Variants in FRMD4A observed in about 807,000 individuals in gnomAD.
FRMD4A encodes the protein FERM domain-containing protein 4A.
A neutral mutation model predicts 129.1 loss-of-function variants in FRMD4A; 29 were observed. That is an observed-to-expected ratio of 0.22 (90% CI 0.17 to 0.31). FRMD4A has a LOEUF of 0.31. FRMD4A is among the 10% of genes least tolerant of loss of function. FRMD4A has a pLI of 1.00. For synonymous variants in FRMD4A, 634 were observed against 571.6 expected (o/e 1.11, Z -1.56); for missense variants, 1,272 against 1,375.8 (o/e 0.92, Z 1.19).
At chr10:13,661,667 A>G (rs1293039224) in intron 19 of FRMD4A, among the ~76,000 whole-genome samples, 1 of 152,176 alleles carries the variant, frequency 6.6e-6, no homozygotes. Context: ...CTAGAAAGGA[A>G]GGGAGAGAGA....
intron 2 of FRMD4A, among the ~76,000 whole-genome samples, chr10:14,090,391 C>T (rs959976093): frequency 9.9e-5 from 15 of 152,168 alleles, no homozygotes; most frequent in African/African-American, 3.1e-4. Context: ...TCAAGGCAGA[C>T]GCTGTAAAAG....
chr10:13,870,391 G>A (rs1018647765), intron 2 of FRMD4A, among the ~76,000 whole-genome samples: 2 of 152,200 alleles, frequency 1.3e-5, no homozygotes, highest in African/African-American at 4.8e-5. Flanking sequence ...GGCCACCTGG[G>A]ACTTTTAGAG....
In FRMD4A at chr10:14,039,384, A is replaced by G. The variant is rs570674932; in HGVS notation, c.46-180472T>C. Among the ~76,000 whole-genome samples the G allele has an allele frequency of 1.4e-3, 170 of 123,704 alleles. 1 individual carries two copies. Among genetic ancestry groups the G allele is most frequent in the Admixed American group, 8.1e-3 (100 of 12,274 alleles). The allele number at this position is 123,704 out of a possible 152,430, so 81.2% of individuals were successfully genotyped here. A position where few individuals can be genotyped will look rare whatever the true frequency, so the allele number is the denominator to read the frequency against. ...TGTCCGTCCGTCCATCCATCCATCCATCCATCCATCCATCCATCCATCCAT... is the reference window on the plus strand; with the variant it reads ...TGTCCGTCCGTCCATCCATCCATCCGTCCATCCATCCATCCATCCATCCAT... On this transcript the variant is annotated intron_variant, in intron 2 of 24. Transcript: ENST00000357447.
intron 15 of FRMD4A, among the ~76,000 whole-genome samples, chr10:13,691,627 T>A (rs1933722485): frequency 6.6e-6 from 1 of 152,130 alleles, no homozygotes; most frequent in Non-Finnish European, 1.5e-5. Context: ...ACCTACAGAA[T>A]CAGGAGCTCT....
chr10:14,227,744 T>G lies in FRMD4A; in HGVS notation c.45+102314A>C, dbSNP rs375724718. ...AGCTCTAGGATGCATGAGATGCTAT[T>G]GGTCACACAGTCGCATCTCTAGACC... On this transcript the variant is annotated intron_variant, in intron 2 of 24. Coordinates refer to ENST00000357447, the MANE Select transcript of FRMD4A (RefSeq NM_018027.5). Among the ~76,000 whole-genome samples, 4 of 152,222 alleles carry G rather than the reference T, an allele frequency of 2.6e-5. No homozygotes were observed. In the East Asian group the frequency reaches 5.8e-4, roughly 22 times the overall value.
At chr10:13,850,284 CA>C (rs1375483449) in intron 3 of FRMD4A, among the ~76,000 whole-genome samples, 3 of 152,068 alleles carry the variant, frequency 2.0e-5, no homozygotes, top group South Asian at 2.1e-4. Context: ...AAAAGTCATA[CA>C]TTTTTTTTTC....
chr10:14,264,778 A>G (rs1844920210), intron 2 of FRMD4A, among the ~76,000 whole-genome samples: 1 of 152,134 alleles, frequency 6.6e-6, no homozygotes, highest in African/African-American at 2.4e-5. Flanking sequence ...CAAGTCTTGG[A>G]AAAGAAACAC....
In FRMD4A at chr10:14,045,949, A is replaced by T. The variant is rs540164437; in HGVS notation, c.46-187037T>A. 7.3e-4 allele frequency among the ~76,000 whole-genome samples: 108 copies of T among 148,514 alleles called. 1 individual carries two copies. Among genetic ancestry groups the T allele is most frequent in the African/African-American group, 2.4e-3 (98 of 40,808 alleles). ...TGTATTAATACATATTCAATTTTAT[A>T]CATATGTATTCATATTATTCAATAC... On this transcript the variant is annotated intron_variant, in intron 2 of 24. Coordinates refer to ENST00000357447, the MANE Select transcript of FRMD4A (RefSeq NM_018027.5).
chr10:14,046,928 C>T (rs1834014653), intron 2 of FRMD4A, among the ~76,000 whole-genome samples: 1 of 152,090 alleles, frequency 6.6e-6, no homozygotes, highest in Non-Finnish European at 1.5e-5. Context: ...GGTCGCTGGA[C>T]ATCATCTGGA....
At chr10:14,278,813 G>C (rs543002826) in intron 2 of FRMD4A, among the ~76,000 whole-genome samples, 1 of 152,202 alleles carries the variant, frequency 6.6e-6, no homozygotes, top group African/African-American at 2.4e-5. Flanking sequence ...ATGTTACAAG[G>C]AGACCAGCAG....
chr10:13,713,991 A>ATAATATACATATATG (rs1564672214), intron 12 of FRMD4A, among the ~76,000 whole-genome samples: 3 of 96,526 alleles, frequency 3.1e-5, no homozygotes, highest in African/African-American at 1.1e-4. Flanking sequence ...ATATACATAT[A>ATAATATACATATATG]TAATATACAT....
intron 4 of FRMD4A, among the ~76,000 whole-genome samples, chr10:13,803,726 A>G (rs942810608): frequency 6.6e-6 from 1 of 152,220 alleles, no homozygotes; most frequent in Non-Finnish European, 1.5e-5. Context: ...GTCAAGGGCC[A>G]GTGCTTTCTG....
At chr10:13,772,586 T>G (rs2092488891) in intron 6 of FRMD4A, among the ~76,000 whole-genome samples, 7 of 152,194 alleles carry the variant, frequency 4.6e-5, no homozygotes, top group Admixed American at 4.6e-4. Flanking sequence ...AAACCATCTT[T>G]GTGTCCTATA....
intron 2 of FRMD4A, among the ~76,000 whole-genome samples, chr10:14,234,386 A>G (rs1222657667): frequency 6.6e-6 from 1 of 152,180 alleles, no homozygotes. Flanking sequence ...TGCATTCAGT[A>G]AAGTTCTTAT....
At chr10:14,018,142 G>A (rs541435573) in intron 2 of FRMD4A, among the ~76,000 whole-genome samples, 103 of 152,162 alleles carry the variant, frequency 6.8e-4, no homozygotes, top group African/African-American at 2.3e-3. Context: ...GAGAACAAGG[G>A]TGGTAAGAAA....
chr10:13,778,805 G>T (rs542813153), intron 6 of FRMD4A, among the ~76,000 whole-genome samples: 1 of 152,180 alleles, frequency 6.6e-6, no homozygotes, highest in Non-Finnish European at 1.5e-5. Flanking sequence ...CATTCATTAG[G>T]CATGTGATCT....
At chr10:13,834,228 C>A (rs555987745) in intron 3 of FRMD4A, among the ~76,000 whole-genome samples, 1 of 152,236 alleles carries the variant, frequency 6.6e-6, no homozygotes, top group African/African-American at 2.4e-5. Context: ...TGTACCCTTG[C>A]ACTCCAGCCT....
intron 2 of FRMD4A, among the ~76,000 whole-genome samples, chr10:13,884,503 CT>C (rs1411272780): frequency 7.9e-5 from 12 of 152,056 alleles, no homozygotes; most frequent in African/African-American, 2.9e-4. Flanking sequence ...AAGATAAAAG[CT>C]TTTTCTGATC....
At chr10:14,084,407 A>G (rs1836129851) in intron 2 of FRMD4A, among the ~76,000 whole-genome samples, 1 of 152,212 alleles carries the variant, frequency 6.6e-6, no homozygotes, top group Non-Finnish European at 1.5e-5. Context: ...TTGGCCCCCC[A>G]AAGTGCTGGG....
Sources: allele counts gnomAD v4.1 joint callset (sites outside exome capture counted in the v4.1 genomes callset), GRCh38; gene constraint gnomAD v4.1.1; transcripts MANE v1.5; gene names NCBI Gene and HGNC (gene_info 2026-07-23, HGNC 2026-07-21).